NR3C2: variants seen among roughly 807,000 people sequenced by gnomAD.
The protein encoded by NR3C2 is nuclear receptor subfamily 3 group C member 2.
NR3C2 carries 15 observed loss-of-function variants against 86.4 expected under a neutral mutation model. That is an observed-to-expected ratio of 0.17 (90% confidence interval 0.12 to 0.27). NR3C2 has a LOEUF of 0.27. Ranked by LOEUF, NR3C2 falls within the 10% of genes least tolerant of loss-of-function variation. The pLI is 1.00. For missense variants in NR3C2, 960 were observed against 1,195.6 expected (o/e 0.80, Z 2.91); for synonymous variants, 458 against 450.5 (o/e 1.02, Z -0.21).
At chr4:148,127,712 C>A (rs529398898) in intron 6 of NR3C2, among the ~76,000 whole-genome samples, 57 of 152,294 alleles carry the variant, frequency 3.7e-4, no homozygotes, top group Admixed American at 5.2e-4. Context: ...ATAAACACAG[C>A]AGCCAAAGTG....
chr4:148,151,637 C>T (rs914736188), intron 6 of NR3C2, among the ~76,000 whole-genome samples: 4 of 152,150 alleles, frequency 2.6e-5, no homozygotes, highest in African/African-American at 9.7e-5. Context: ...TCATCTTTTG[C>T]ATTACTTTTC....
chr4:148,324,575 T>C (rs998629157), intron 2 of NR3C2, among the ~76,000 whole-genome samples: 3 of 152,184 alleles, frequency 2.0e-5, no homozygotes, highest in African/African-American at 4.8e-5. Context: ...CTTTCAGTTA[T>C]AAGATAAATA....
At chr4:148,245,096 T>G (rs758787385) in intron 3 of NR3C2, among the ~76,000 whole-genome samples, 4 of 152,164 alleles carry the variant, frequency 2.6e-5, no homozygotes, top group Non-Finnish European at 5.9e-5. Flanking sequence ...GACATAAAAA[T>G]TATTATTCCC....
At chr4:148,122,272 T>A (rs1732542944) in intron 6 of NR3C2, among the ~76,000 whole-genome samples, 1 of 152,240 alleles carries the variant, frequency 6.6e-6, no homozygotes, top group Non-Finnish European at 1.5e-5. Flanking sequence ...GTAACACCAT[T>A]TTTATTCCTA....
At chr4:148,128,036 G>A (rs1312999924) in intron 6 of NR3C2, among the ~76,000 whole-genome samples, 1 of 152,170 alleles carries the variant, frequency 6.6e-6, no homozygotes, top group African/African-American at 2.4e-5. Flanking sequence ...AGAATTTGGG[G>A]TTAGAAATGG....
Position 148,117,431 on chromosome 4 carries a change from T to C in NR3C2, c.2641+2727A>G, listed in dbSNP as rs559465639. 5.3e-5 allele frequency among the ~76,000 whole-genome samples: 8 copies of C among 152,262 alleles called. No individual in the cohort carries two copies. In the East Asian group the frequency reaches 1.4e-3, roughly 26 times the overall value. ...CTGCCATTGCCTGCCTTTCAGCCTC[T>C]TGGTGACTGCTCTTAGGGGAGCAGG... On this transcript the variant is annotated intron_variant, in intron 7 of 8. Coordinates refer to ENST00000358102, the MANE Select transcript of NR3C2 (RefSeq NM_000901.5).
intron 2 of NR3C2, among the ~76,000 whole-genome samples, chr4:148,348,066 A>G (rs1169640237): frequency 6.6e-6 from 1 of 152,058 alleles, no homozygotes; most frequent in Non-Finnish European, 1.5e-5. Context: ...TTCCCACCCC[A>G]GGTGTTTCTG....
intron 2 of NR3C2, among the ~76,000 whole-genome samples, chr4:148,308,186 G>T (rs3846329): frequency 0.2 from 30,440 of 152,032 alleles, 3,200 homozygotes; most frequent in Admixed American, 0.28. Flanking sequence ...AACATCTACG[G>T]ATCTGTGGAG....
At chr4:148,391,184 C>T (rs917219073) in intron 2 of NR3C2, among the ~76,000 whole-genome samples, 1 of 152,258 alleles carries the variant, frequency 6.6e-6, no homozygotes, top group East Asian at 1.9e-4. Flanking sequence ...AGGGTCTCAG[C>T]CTCTTGTTAG....
At chr4:148,265,778 T>C (rs17024518) in intron 2 of NR3C2, among the ~76,000 whole-genome samples, 6,652 of 152,234 alleles carry the variant, frequency 0.044, 467 homozygotes, top group African/African-American at 0.15. Flanking sequence ...AGCAGATCAG[T>C]AAACATCCTC....
chr4:148,185,691 G>A (rs549881849), intron 4 of NR3C2, among the ~76,000 whole-genome samples: 8 of 151,880 alleles, frequency 5.3e-5, no homozygotes, highest in Middle Eastern at 3.2e-3. Flanking sequence ...TTCCAGAAAT[G>A]TTCTATACAA....
chr4:148,260,147 T>C, intron 2 of NR3C2, 30 bp from the exon 3 acceptor site: 1 of 1,613,464 alleles, frequency 6.2e-7, no homozygotes, highest in East Asian at 2.2e-5. Flanking sequence ...TTTAAATAAC[T>C]ACACCGTAAA....
At chr4:148,329,639 A>C (rs1367522962) in intron 2 of NR3C2, among the ~76,000 whole-genome samples, 1 of 152,234 alleles carries the variant, frequency 6.6e-6, no homozygotes, top group Non-Finnish European at 1.5e-5. Context: ...CACCATGTAG[A>C]CATTCACATA....
At position 148,234,485 on chromosome 4, in the gene NR3C2, C is replaced by A. The variant is rs560261608; in HGVS notation, c.1897+25493G>T. On this transcript the variant is annotated intron_variant, in intron 3 of 8. Transcript: ENST00000358102. ...AGGAGATTGAGACCATCCTGGCTAA[C>A]ACGGTGAAACCCCGTATTTGTATTT... Among the ~76,000 whole-genome samples the A allele has an allele frequency of 2.0e-5, 3 of 152,106 alleles. No homozygotes were observed. In the East Asian group the frequency reaches 5.8e-4, roughly 29 times the overall value.
At chr4:148,314,201 T>C (rs769481935) in intron 2 of NR3C2, among the ~76,000 whole-genome samples, 2 of 152,036 alleles carry the variant, frequency 1.3e-5, no homozygotes, top group African/African-American at 2.4e-5. Context: ...ATGAAAGAGA[T>C]GAGCAAGTAT....
intron 3 of NR3C2, among the ~76,000 whole-genome samples, chr4:148,244,887 G>A (rs937393121): frequency 6.6e-6 from 1 of 152,138 alleles, no homozygotes; most frequent in Admixed American, 6.6e-5. Flanking sequence ...ACAAAATAGT[G>A]TTATAGCTTT....
Position 148,159,521 on chromosome 4 carries a change from A to C in NR3C2, c.2015-4620T>G, listed in dbSNP as rs561337825. On this transcript the variant is annotated intron_variant, in intron 4 of 8. Transcript: ENST00000358102. ...CCAATGCTCACCATGACCCTATGAT[A>C]GGCACTATTTTCATTTTTCAGGTGA... Among the ~76,000 whole-genome samples the C allele has an allele frequency of 5.9e-5, 9 of 152,326 alleles. No homozygotes were observed. The South Asian group carries it at 1.9e-3, about 32-fold the overall frequency.
intron 2 of NR3C2, among the ~76,000 whole-genome samples, chr4:148,340,572 T>C (rs1744702675): frequency 6.6e-6 from 1 of 152,116 alleles, no homozygotes; most frequent in African/African-American, 2.4e-5. Context: ...GACACTGGCC[T>C]AGACAAAGAT....
chr4:148,254,017 G>C (rs1739704333), intron 3 of NR3C2, among the ~76,000 whole-genome samples: 1 of 152,032 alleles, frequency 6.6e-6, no homozygotes, highest in South Asian at 2.1e-4. Context: ...AGTCATCCTA[G>C]ATCTTTGCTT....
Sources: allele counts gnomAD v4.1 joint callset (sites outside exome capture counted in the v4.1 genomes callset), GRCh38; gene constraint gnomAD v4.1.1; transcripts MANE v1.5; gene names NCBI Gene and HGNC (gene_info 2026-07-23, HGNC 2026-07-21).